GDAP1: variants seen among roughly 807,000 people sequenced by gnomAD.
GDAP1 encodes ganglioside induced differentiation associated protein 1, also known as ganglioside-induced differentiation-associated protein 1.
GDAP1 carries 34 observed loss-of-function variants against 40.1 expected under a neutral mutation model. The ratio of observed to expected loss-of-function variants is 0.85; its 90% confidence interval spans 0.64 to 1.13. GDAP1 has a LOEUF of 1.13. Ranked by LOEUF, GDAP1 falls within the 50% of genes most tolerant of loss-of-function variation. The pLI, the probability that GDAP1 is intolerant of heterozygous loss-of-function variation, is 0.00. For synonymous variants in GDAP1, 170 were observed against 157.4 expected, an observed-to-expected ratio of 1.08 and a Z score of -0.60; for missense variants, 374 against 433.7, an observed-to-expected ratio of 0.86 and a Z score of 1.22.
chr8:74,353,960 A>G (rs1005533247), intron 2 of GDAP1, among the ~76,000 whole-genome samples: 1 of 152,152 alleles, frequency 6.6e-6, no homozygotes, highest in Non-Finnish European at 1.5e-5. Flanking sequence ...TAACACTTCT[A>G]AAAAACTGTC....
At chr8:74,402,386 C>A (rs563651097) in intron 2 of GDAP1, among the ~76,000 whole-genome samples, 1 of 150,498 alleles carries the variant, frequency 6.6e-6, no homozygotes, top group East Asian at 1.9e-4. Flanking sequence ...TCCTGGTGCA[C>A]CGTTTTTTAA....
In GDAP1 at chr8:74,378,806, T is replaced by A. The variant is rs188391766; in HGVS notation, c.165+27485T>A. On this transcript the variant is annotated intron_variant, in intron 2 of 2. Coordinates refer to the GDAP1 transcript ENST00000523640. ...ACTCACACATATGTATATATTCCAA[T>A]ATGCACATTTCATACTGAACAACCA... Among the ~76,000 whole-genome samples the A allele has an allele frequency of 2.4e-4, 36 of 152,322 alleles. No homozygotes were observed. The East Asian group carries it at 5.6e-3, about 24-fold the overall frequency.
chr8:74,444,151 A>C (rs1806199536), intron 2 of GDAP1, among the ~76,000 whole-genome samples: 1 of 151,800 alleles, frequency 6.6e-6, no homozygotes, highest in African/African-American at 2.4e-5. Flanking sequence ...CCAACTGTCC[A>C]TGGTGACTGG....
At chr8:74,422,599 G>C (rs1417860682) in intron 2 of GDAP1, among the ~76,000 whole-genome samples, 1 of 149,668 alleles carries the variant, frequency 6.7e-6, no homozygotes, top group African/African-American at 2.5e-5. Flanking sequence ...TTCTGTGTCA[G>C]GGTCTTTGAA....
At position 74,399,761 on chromosome 8, in the gene GDAP1, G is replaced by C. The variant is rs552631719; in HGVS notation, c.165+48440G>C. On this transcript the variant is annotated intron_variant, in intron 2 of 2. Transcript: ENST00000523640. ...TCTGGTATGTTGTGTCTTTGTTCTCGTTGGTTTCAAAGAACATCTTTATTT... is the reference window on the plus strand; with the variant it reads ...TCTGGTATGTTGTGTCTTTGTTCTCCTTGGTTTCAAAGAACATCTTTATTT... Among the ~76,000 whole-genome samples, 30 of 120,542 alleles carry C rather than the reference G, an allele frequency of 2.5e-4. No homozygotes were observed. In the South Asian group the frequency reaches 8.2e-3, roughly 33 times the overall value. The allele number at this position is 120,542 out of a possible 152,430, so 79.1% of individuals were successfully genotyped here.
intron 2 of GDAP1, among the ~76,000 whole-genome samples, chr8:74,456,579 T>G (rs1024379810): frequency 2.0e-5 from 3 of 151,910 alleles, no homozygotes; most frequent in African/African-American, 7.2e-5. Context: ...TCAGAGATAG[T>G]AGGGAAACGC....
chr8:74,362,657 C>T (rs961041955), intron 4 of GDAP1, among the ~76,000 whole-genome samples: 4 of 152,042 alleles, frequency 2.6e-5, no homozygotes, highest in Non-Finnish European at 4.4e-5. Flanking sequence ...GATGGCTCTT[C>T]GTGTCCCTCC....
chr8:74,364,263 G>A lies in GDAP1; in HGVS notation c.973G>A (p.Val325Met), dbSNP rs776565871. The A allele has an allele frequency of 6.2e-7, 1 of 1,614,212 alleles. No individual in the cohort carries two copies. Among genetic ancestry groups the A allele is most frequent in the South Asian group, 1.1e-5 (1 of 91,084 alleles). ...CCCAAAAGTTCTTGGCACGACCCTT[G>A]TGGTTGGTTTGCTTGCAGGAGTGGG... The part of the protein sequence containing the change: ...RAPKVLGTTL[V>M]VGLLAGVGYF... Residue 325 changes from valine to methionine, a missense_variant, in exon 6 of 6, where the codon GTG becomes ATG. By Grantham distance (21) the Val-to-Met change is conservative. Coordinates refer to ENST00000220822, the MANE Select transcript of GDAP1 (RefSeq NM_018972.4).
At chr8:74,378,480 C>T (rs1274293704) in intron 2 of GDAP1, among the ~76,000 whole-genome samples, 1 of 152,096 alleles carries the variant, frequency 6.6e-6, no homozygotes, top group South Asian at 2.1e-4. Flanking sequence ...GGTGTGGAAC[C>T]CACACTTCTT....
chr8:74,431,187 A>G (rs950955410), intron 2 of GDAP1, among the ~76,000 whole-genome samples: 2 of 149,858 alleles, frequency 1.3e-5, no homozygotes, highest in Non-Finnish European at 3.0e-5. Context: ...AAAATGATGT[A>G]TGATATTTAT....
chr8:74,373,791 A>G lies in GDAP1; in HGVS notation c.165+22470A>G, dbSNP rs535883858. Among the ~76,000 whole-genome samples, 125 of 152,236 alleles carry G rather than the reference A, an allele frequency of 8.2e-4. 1 individual carries two copies. Among genetic ancestry groups the G allele is most frequent in the Admixed American group, 2.7e-3 (42 of 15,286 alleles). Reference sequence around the variant, plus strand: ...TGCCCTGGCCAGAACTTCCAACACTATGTCGAATAGGAGTGGTGAGAGAGG... The same window carrying G: ...TGCCCTGGCCAGAACTTCCAACACTGTGTCGAATAGGAGTGGTGAGAGAGG... On this transcript the variant is annotated intron_variant, in intron 2 of 2. Transcript: ENST00000523640.
At chr8:74,404,540 C>T (rs1805611600) in intron 2 of GDAP1, among the ~76,000 whole-genome samples, 1 of 149,620 alleles carries the variant, frequency 6.7e-6, no homozygotes, top group Non-Finnish European at 1.5e-5. Flanking sequence ...GAGTCACTCA[C>T]CTAAGGTCAC....
At chr8:74,374,627 A>T (rs1425608179) in intron 2 of GDAP1, among the ~76,000 whole-genome samples, 1 of 152,188 alleles carries the variant, frequency 6.6e-6, no homozygotes, top group Non-Finnish European at 1.5e-5. Context: ...TACATAGAGA[A>T]ATATAAATTA....
At chr8:74,373,831 T>A (rs1809798371) in intron 2 of GDAP1, among the ~76,000 whole-genome samples, 1 of 152,220 alleles carries the variant, frequency 6.6e-6, no homozygotes, top group African/African-American at 2.4e-5. Context: ...CCCTGTCTTG[T>A]GCCAGTTTTC....
intron 2 of GDAP1, among the ~76,000 whole-genome samples, chr8:74,395,351 GTGGATATTAAACACC>G (rs955264764): frequency 1.3e-5 from 2 of 152,268 alleles, no homozygotes; most frequent in Admixed American, 6.5e-5. Context: ...TGTGTCAGAG[GTGGATATTAAACACC>G]TGGATATTAA....
intron 2 of GDAP1, among the ~76,000 whole-genome samples, chr8:74,416,487 C>T (rs1359497379): frequency 6.7e-6 from 1 of 150,228 alleles, no homozygotes; most frequent in Non-Finnish European, 1.5e-5. Context: ...CCTGCAGCAC[C>T]CGGGCTAACC....
At chr8:74,376,957 G>A (rs1300924346) in intron 2 of GDAP1, among the ~76,000 whole-genome samples, 2 of 151,710 alleles carry the variant, frequency 1.3e-5, no homozygotes, top group Non-Finnish European at 2.9e-5. Context: ...TGTTTTATTG[G>A]GAAAAGAAAG....
At chr8:74,401,342 C>T (rs1810333744) in intron 2 of GDAP1, among the ~76,000 whole-genome samples, 1 of 149,736 alleles carries the variant, frequency 6.7e-6, no homozygotes, top group Non-Finnish European at 1.5e-5. Flanking sequence ...CAGTTGATCG[C>T]ATTAGCTCCT....
At position 74,365,349 on chromosome 8, in the gene GDAP1, G is replaced by T; in HGVS notation, c.*982G>T. On this transcript the variant is annotated 3_prime_UTR_variant, in exon 6 of 6. Coordinates refer to ENST00000220822, the MANE Select transcript of GDAP1 (RefSeq NM_018972.4). ...ACTTGGCAGTTAATCTAGGGAAGATGAATTAAATGGGTAGATAGTGATGCA... is the reference window on the plus strand; with the variant it reads ...ACTTGGCAGTTAATCTAGGGAAGATTAATTAAATGGGTAGATAGTGATGCA... 2.2e-6 allele frequency: 1 copy of T among 453,968 alleles called. No homozygotes were observed. The highest frequency in any genetic ancestry group is 4.4e-6 in the Non-Finnish European group (1 of 226,780). 28.1% of individuals were successfully genotyped at this position (453,968 alleles called of 1,614,324 possible). A position where few individuals can be genotyped will look rare whatever the true frequency, so the allele number is the denominator to read the frequency against.
Sources: allele counts gnomAD v4.1 joint callset (sites outside exome capture counted in the v4.1 genomes callset), GRCh38; gene constraint gnomAD v4.1.1; transcripts MANE v1.5; gene names NCBI Gene and HGNC (gene_info 2026-07-23, HGNC 2026-07-21).